The following OTUD7A variants were observed in gnomAD, a reference collection of about 807,000 sequenced individuals.
The protein encoded by OTUD7A is OTU domain-containing protein 7A.
A neutral mutation model predicts 65.7 loss-of-function variants in OTUD7A; 12 were observed. That is an observed-to-expected ratio of 0.18 (90% CI 0.12 to 0.30). The LOEUF (loss-of-function observed/expected upper bound fraction) is 0.30. Ranked by LOEUF, OTUD7A falls within the 10% of genes least tolerant of loss-of-function variation. OTUD7A has a pLI of 1.00. For missense variants in OTUD7A, 1,148 were observed against 1,304.8 expected (o/e 0.88, Z 1.85); for synonymous variants, 641 against 586.3 (o/e 1.09, Z -1.35).
At chr15:31,759,689 T>C (rs1894909345) in intron 1 of OTUD7A, among the ~76,000 whole-genome samples, 1 of 152,116 alleles carries the variant, frequency 6.6e-6, no homozygotes, top group South Asian at 2.1e-4. Context: ...TGCACCACCA[T>C]GCCTGGCTAT....
intron 1 of OTUD7A, chr15:31,768,061 T>C (rs1322735195): frequency 3.7e-6 from 6 of 1,601,974 alleles, no homozygotes; most frequent in African/African-American, 2.7e-5. Flanking sequence ...CCCCTGCTTC[T>C]CCTGCTGTGA....
intron 1 of OTUD7A, among the ~76,000 whole-genome samples, chr15:31,814,153 G>A (rs1281632476): frequency 6.6e-6 from 1 of 152,244 alleles, no homozygotes; most frequent in East Asian, 1.9e-4. Flanking sequence ...CAAGGGCTGT[G>A]CTCCACAAAC....
intron 3 of OTUD7A, among the ~76,000 whole-genome samples, chr15:31,592,246 T>C (rs543061592): frequency 6.6e-6 from 1 of 152,324 alleles, no homozygotes; most frequent in South Asian, 2.1e-4. Flanking sequence ...TAGCTTACTT[T>C]ATTTTATAAA....
intron 1 of OTUD7A, among the ~76,000 whole-genome samples, chr15:31,703,263 G>C (rs1893254633): frequency 6.6e-6 from 1 of 152,128 alleles, no homozygotes; most frequent in Non-Finnish European, 1.5e-5. Flanking sequence ...TGATAAACTT[G>C]AACTTTTTGT....
intron 3 of OTUD7A, among the ~76,000 whole-genome samples, chr15:31,613,986 CA>C (rs1890508127): frequency 6.6e-6 from 1 of 152,076 alleles, no homozygotes; most frequent in East Asian, 1.9e-4. Context: ...GGGAATGAAT[CA>C]AAGGCATTCG....
At chr15:31,619,761 C>G (rs1780486852) in intron 3 of OTUD7A, among the ~76,000 whole-genome samples, 1 of 152,086 alleles carries the variant, frequency 6.6e-6, no homozygotes, top group South Asian at 2.1e-4. Context: ...CCCTTTATTT[C>G]TTTCTCCTGC....
chr15:31,518,258 G>C (rs1375476272), intron 8 of OTUD7A, among the ~76,000 whole-genome samples: 2 of 152,108 alleles, frequency 1.3e-5, no homozygotes, highest in African/African-American at 4.8e-5. Context: ...TGGATCATGA[G>C]GTCAGGAGAT....
chr15:31,669,678 G>A (rs996450191), intron 1 of OTUD7A, among the ~76,000 whole-genome samples: 1 of 152,180 alleles, frequency 6.6e-6, no homozygotes, highest in Non-Finnish European at 1.5e-5. Flanking sequence ...TTCTCACCCA[G>A]TTCAAATTGT....
chr15:31,680,653 C>T (rs1430906554), intron 1 of OTUD7A, among the ~76,000 whole-genome samples: 2 of 152,112 alleles, frequency 1.3e-5, no homozygotes, highest in Non-Finnish European at 2.9e-5. Flanking sequence ...GTCCCCTGCT[C>T]ACATAATAAA....
Position 31,569,868 on chromosome 15 carries a change from G to C in OTUD7A, c.331+150C>G, listed in dbSNP as rs568422682. On this transcript the variant is annotated intron_variant, in intron 4 of 12. Coordinates refer to ENST00000307050, the MANE Select transcript of OTUD7A (RefSeq NM_001382637.1). Reference sequence around the variant, plus strand: ...GGATAGAAGCAACAAAGGACATTTCGGCATAGTGTGAGAAAGAAGGCACTG... The same window carrying C: ...GGATAGAAGCAACAAAGGACATTTCCGCATAGTGTGAGAAAGAAGGCACTG... 23 of 767,204 alleles carry C rather than the reference G, an allele frequency of 3.0e-5. No individual in the cohort carries two copies. The Admixed American group carries it at 3.1e-4, about 10-fold the overall frequency. The allele number at this position is 767,204 out of a possible 1,614,324, so 47.5% of individuals were successfully genotyped here.
intron 1 of OTUD7A, among the ~76,000 whole-genome samples, chr15:31,794,837 G>A (rs1895911661): frequency 6.6e-6 from 1 of 152,088 alleles, no homozygotes; most frequent in South Asian, 2.1e-4. Context: ...TTCTCCTGGG[G>A]TTTACAATCA....
At chr15:31,615,589 C>T (rs1030615197) in intron 3 of OTUD7A, among the ~76,000 whole-genome samples, 2 of 152,164 alleles carry the variant, frequency 1.3e-5, no homozygotes, top group Admixed American at 6.5e-5. Flanking sequence ...ATGAAAAATA[C>T]GATCCAATTA....
chr15:31,766,405 G>A (rs1895095747), intron 1 of OTUD7A: 8 of 1,579,542 alleles, frequency 5.1e-6, no homozygotes, highest in African/African-American at 1.3e-5. Context: ...CTCTCTAAAT[G>A]AGGTTGCAGC....
chr15:31,778,915 T>C (rs943713922), intron 1 of OTUD7A, among the ~76,000 whole-genome samples: 3 of 152,184 alleles, frequency 2.0e-5, no homozygotes, highest in Non-Finnish European at 2.9e-5. Flanking sequence ...CAGACATGAA[T>C]TCTTGGGGTA....
At chr15:31,629,671 C>T (rs968224637) in intron 3 of OTUD7A, among the ~76,000 whole-genome samples, 1 of 152,176 alleles carries the variant, frequency 6.6e-6, no homozygotes, top group African/African-American at 2.4e-5. Flanking sequence ...AGGAATGGTA[C>T]CAGCTCCTCC....
chr15:31,785,193 A>G (rs1214929945), intron 1 of OTUD7A, among the ~76,000 whole-genome samples: 1 of 152,212 alleles, frequency 6.6e-6, no homozygotes, highest in Non-Finnish European at 1.5e-5. Context: ...ATGGAACCAG[A>G]CCATGCAAGT....
chr15:31,623,493 G>A (rs948097838), intron 3 of OTUD7A, among the ~76,000 whole-genome samples: 30 of 152,318 alleles, frequency 2.0e-4, no homozygotes, highest in South Asian at 6.2e-4. Flanking sequence ...CCTCACTGCC[G>A]CCTTGCAGTT....
At chr15:31,598,402 G>A (rs1040959020) in intron 3 of OTUD7A, among the ~76,000 whole-genome samples, 16 of 152,202 alleles carry the variant, frequency 1.1e-4, no homozygotes, top group African/African-American at 3.6e-4. Flanking sequence ...ACAAGGGGTC[G>A]GGGAATTCTC....
At chr15:31,590,475 T>C (rs898618350) in intron 3 of OTUD7A, among the ~76,000 whole-genome samples, 6 of 137,204 alleles carry the variant, frequency 4.4e-5, no homozygotes, top group Non-Finnish European at 1.0e-4. Flanking sequence ...AATAATAAAT[T>C]AAACACACAT....
Sources: allele counts gnomAD v4.1 joint callset (sites outside exome capture counted in the v4.1 genomes callset), GRCh38; gene constraint gnomAD v4.1.1; transcripts MANE v1.5; gene names NCBI Gene and HGNC (gene_info 2026-07-23, HGNC 2026-07-21).